Variants in CFAP107 observed in about 807,000 individuals in gnomAD.
The protein encoded by CFAP107 is cilia and flagella associated protein 107, also known as cilia- and flagella-associated protein 107.
chr1:12,746,380 C>T, the CFAP107 span: 1 of 1,482,630 alleles, frequency 6.7e-7, no homozygotes, highest in African/African-American at 1.4e-5. Context: ...CTCTCCCCGC[C>T]TGAAGCCTTA....
chr1:12,755,248 T>C, the CFAP107 span, among the ~76,000 whole-genome samples: 7 of 151,636 alleles, frequency 4.6e-5, no homozygotes, highest in African/African-American at 1.7e-4. Flanking sequence ...CTTCTGAAAA[T>C]ACAAAAATTA....
the CFAP107 span, chr1:12,762,424 G>A: frequency 6.7e-6 from 1 of 149,738 alleles, no homozygotes; most frequent in East Asian, 1.9e-4. Context: ...AGTCATCCAA[G>A]TGTCCATGTA....
chr1:12,761,082 C>A, the CFAP107 span: 8 of 847,442 alleles, frequency 9.4e-6, no homozygotes, highest in African/African-American at 1.0e-4. Context: ...CTCTCAGAAT[C>A]ATCATCTGCA....
chr1:12,753,176 T>C, the CFAP107 span, among the ~76,000 whole-genome samples: 2 of 152,204 alleles, frequency 1.3e-5, no homozygotes, highest in Non-Finnish European at 2.9e-5. Context: ...GAAAGACTTA[T>C]ATACATTGAA....
the CFAP107 span, chr1:12,759,384 C>A: frequency 1.2e-6 from 2 of 1,614,174 alleles, no homozygotes; most frequent in Non-Finnish European, 1.7e-6. Flanking sequence ...CCTATGACGA[C>A]CATTACAACC....
At chr1:12,746,351 G>A in the CFAP107 span, 25 of 1,183,120 alleles carry the variant, frequency 2.1e-5, no homozygotes, top group Admixed American at 4.2e-4. Flanking sequence ...CCCAAACTCA[G>A]CAACTTCATA....
At chr1:12,763,242 A>G in the CFAP107 span, 2 of 152,322 alleles carry the variant, frequency 1.3e-5, no homozygotes, top group East Asian at 1.9e-4. Context: ...AGCTAAAAAA[A>G]AAATCGCGTA....
At chr1:12,760,628 G>A in the CFAP107 span, 2 of 780,330 alleles carry the variant, frequency 2.6e-6, no homozygotes, top group Non-Finnish European at 4.0e-6. Context: ...CTTCCCTGTG[G>A]GCCTCTGCCA....
the CFAP107 span, chr1:12,759,273 C>T: frequency 6.9e-6 from 11 of 1,605,028 alleles, no homozygotes; most frequent in South Asian, 2.2e-5. Flanking sequence ...ATGCTTCGCT[C>T]CTATCAGTAA....
At chr1:12,746,663 T>G in the CFAP107 span, 1 of 702,202 alleles carries the variant, frequency 1.4e-6, no homozygotes, top group African/African-American at 1.8e-5. Context: ...AAATGTGGCA[T>G]TGGGGTCTCT....
chr1:12,748,244 G>T, the CFAP107 span, among the ~76,000 whole-genome samples: 252 of 152,186 alleles, frequency 1.7e-3, 2 homozygotes, highest in African/African-American at 5.8e-3. Flanking sequence ...GATGGGAAAA[G>T]GTGGCATGGT....
At chr1:12,746,411 A>G in the CFAP107 span, 6 of 1,599,584 alleles carry the variant, frequency 3.8e-6, no homozygotes, top group East Asian at 1.3e-4. Flanking sequence ...AGTCAAAGAA[A>G]CCTGGGGCAA....
chr1:12,752,720 C>T, the CFAP107 span, among the ~76,000 whole-genome samples: 3 of 152,032 alleles, frequency 2.0e-5, no homozygotes, highest in East Asian at 5.8e-4. Flanking sequence ...TAGAAGGAAA[C>T]TGCCTCAACA....
the CFAP107 span, chr1:12,746,425 C>A: frequency 6.2e-7 from 1 of 1,610,352 alleles, no homozygotes; most frequent in Non-Finnish European, 8.5e-7. Flanking sequence ...GGGGCAAATC[C>A]TTAACATGTT....
chr1:12,746,668 G>T, the CFAP107 span: 3 of 678,966 alleles, frequency 4.4e-6, no homozygotes, highest in Middle Eastern at 7.6e-4. Context: ...TGGCATTGGG[G>T]TCTCTGTGCT....
chr1:12,755,935 A>G, the CFAP107 span: 1 of 653,028 alleles, frequency 1.5e-6, no homozygotes, highest in Admixed American at 2.8e-5. Flanking sequence ...TCTCATTAAT[A>G]CCCTCCCAGC....
chr1:12,750,962 CAAATG>C, the CFAP107 span, among the ~76,000 whole-genome samples: 1 of 150,856 alleles, frequency 6.6e-6, no homozygotes, highest in Non-Finnish European at 1.5e-5. Context: ...TTCCTGATCA[CAAATG>C]AAATGAACTT....
chr1:12,758,666 C>T, the CFAP107 span, among the ~76,000 whole-genome samples: 1 of 152,106 alleles, frequency 6.6e-6, no homozygotes, highest in African/African-American at 2.4e-5. Context: ...CCCAGGATTC[C>T]CTTCTGGGCC....
the CFAP107 span, among the ~76,000 whole-genome samples, chr1:12,753,087 T>C: frequency 6.6e-6 from 1 of 152,064 alleles, no homozygotes; most frequent in Non-Finnish European, 1.5e-5. Context: ...CAGTGAACTC[T>C]GAAAAGGAAA....
Sources: allele counts gnomAD v4.1 joint callset (sites outside exome capture counted in the v4.1 genomes callset), GRCh38; gene constraint gnomAD v4.1.1; transcripts MANE v1.5; gene names NCBI Gene and HGNC (gene_info 2026-07-23, HGNC 2026-07-21).